Variants in ASIC2 observed in about 807,000 individuals in gnomAD.
ASIC2 encodes the protein acid-sensing ion channel 2.
ASIC2 carries 25 observed loss-of-function variants against 57.3 expected under a neutral mutation model. The ratio of observed to expected loss-of-function variants is 0.44; its 90% CI spans 0.32 to 0.61. ASIC2 has a LOEUF of 0.61. ASIC2 is among the 20% of genes least tolerant of loss of function. The pLI is 0.06. For missense variants in ASIC2, 641 were observed against 738.1 expected (o/e 0.87, Z 1.52); for synonymous variants, 319 against 307.5 (o/e 1.04, Z -0.39).
chr17:33,500,045 AAAAAG>A (rs1474874597), intron 1 of ASIC2, among the ~76,000 whole-genome samples: 1 of 152,178 alleles, frequency 6.6e-6, no homozygotes, highest in Non-Finnish European at 1.5e-5. Flanking sequence ...TTAATTAAAA[AAAAAG>A]AAAAGAAAAC....
At chr17:33,813,811 T>A (rs994165680) in intron 1 of ASIC2, among the ~76,000 whole-genome samples, 1 of 151,898 alleles carries the variant, frequency 6.6e-6, no homozygotes, top group East Asian at 1.9e-4. Context: ...TAATTTGGCA[T>A]GCTTTACATT....
chr17:33,862,598 A>G (rs893999619), intron 1 of ASIC2, among the ~76,000 whole-genome samples: 2 of 152,228 alleles, frequency 1.3e-5, no homozygotes, highest in Non-Finnish European at 2.9e-5. Flanking sequence ...AGCAGTATCC[A>G]TATTTGAACT....
chr17:33,294,584 C>G (rs1905643228), upstream of ASIC2, among the ~76,000 whole-genome samples: 1 of 152,008 alleles, frequency 6.6e-6, no homozygotes, highest in South Asian at 2.1e-4. Context: ...TACATACATC[C>G]ACACAGTCAC....
chr17:33,926,325 AC>A (rs1915821145), intron 1 of ASIC2, among the ~76,000 whole-genome samples: 1 of 152,148 alleles, frequency 6.6e-6, no homozygotes, highest in South Asian at 2.1e-4. Flanking sequence ...AATGCTTGGG[AC>A]CAGACGTATT....
chr17:34,037,289 C>T, intron 1 of ASIC2: 1 of 211,530 alleles, frequency 4.7e-6, no homozygotes, highest in African/African-American at 2.3e-5. Context: ...TCAGGGACCC[C>T]CCTGAGTCTG....
chr17:33,287,060 T>C (rs1002287958), intron 1 of ASIC2, among the ~76,000 whole-genome samples: 2 of 152,262 alleles, frequency 1.3e-5, no homozygotes, highest in Admixed American at 6.5e-5. Flanking sequence ...GAATAGCAAC[T>C]GCTACCATCA....
intron 1 of ASIC2, among the ~76,000 whole-genome samples, chr17:33,891,295 A>G (rs1326797521): frequency 6.6e-6 from 1 of 152,210 alleles, no homozygotes; most frequent in Non-Finnish European, 1.5e-5. Context: ...TGAAGAACAC[A>G]TAGTCCTTCC....
intron 3 of ASIC2, among the ~76,000 whole-genome samples, chr17:33,067,423 A>C (rs978718591): frequency 3.9e-5 from 6 of 152,190 alleles, no homozygotes; most frequent in African/African-American, 1.4e-4. Flanking sequence ...GGATTTGTAT[A>C]TGAGGAGCTA....
chr17:33,750,333 G>A (rs1470928461), intron 1 of ASIC2, among the ~76,000 whole-genome samples: 1 of 152,026 alleles, frequency 6.6e-6, no homozygotes, highest in Non-Finnish European at 1.5e-5. Context: ...GGAACTGAGG[G>A]GGAAACGGTG....
intron 1 of ASIC2, among the ~76,000 whole-genome samples, chr17:33,673,698 G>A (rs73279061): frequency 0.04 from 6,144 of 152,134 alleles, 309 homozygotes; most frequent in African/African-American, 0.12. Flanking sequence ...AAACTCTCTC[G>A]GGGAGAAACA....
intron 1 of ASIC2, among the ~76,000 whole-genome samples, chr17:33,359,189 A>G (rs1567834801): frequency 1.3e-5 from 2 of 152,216 alleles, no homozygotes; most frequent in Admixed American, 6.5e-5. Context: ...AGTTGAAAAG[A>G]TGCTAATGGG....
chr17:33,398,176 G>A (rs1400663154), intron 1 of ASIC2, among the ~76,000 whole-genome samples: 1 of 152,032 alleles, frequency 6.6e-6, no homozygotes, highest in Non-Finnish European at 1.5e-5. Flanking sequence ...ATTCTTTATT[G>A]TTTATCTTCC....
chr17:33,997,377 C>T (rs973483913), intron 1 of ASIC2, among the ~76,000 whole-genome samples: 4 of 133,688 alleles, frequency 3.0e-5, no homozygotes, highest in African/African-American at 1.1e-4. Flanking sequence ...TGGTCTCAAA[C>T]TGCTGAGCTC....
rs1406645854 is a variant in ASIC2 at position 33,021,376 on chromosome 17, A to G, written c.1350-66T>C. ...TCAGCATTCACAGGGAGCATCTAAT[A>G]CAGCTTTCCCATGGAAAGATGGAGA... On this transcript the variant is annotated intron_variant, in intron 6 of 9. Coordinates refer to ENST00000225823, the MANE Select transcript of ASIC2 (RefSeq NM_183377.2). The G allele has an allele frequency of 2.3e-6, 3 of 1,294,920 alleles. No individual in the cohort carries two copies. In the Admixed American group the frequency reaches 6.1e-5, roughly 26 times the overall value. The allele number at this position is 1,294,920 out of a possible 1,614,324, so 80.2% of individuals were successfully genotyped here.
chr17:33,173,261 C>T (rs1905599469), intron 1 of ASIC2, among the ~76,000 whole-genome samples: 1 of 152,096 alleles, frequency 6.6e-6, no homozygotes, highest in South Asian at 2.1e-4. Flanking sequence ...TAGACCACCC[C>T]TGAGAGGGAG....
rs138641277 is a variant in ASIC2, at chr17:34,092,585, G to A, written c.555+63393C>T. On this transcript the variant is annotated intron_variant, in intron 1 of 9. Transcript: ENST00000359872. ...ATCAAGGCTTTGGAAAGAGACTCACGTGTGATGCCTGACTTCTAGAGGCAG... is the reference window on the plus strand; with the variant it reads ...ATCAAGGCTTTGGAAAGAGACTCACATGTGATGCCTGACTTCTAGAGGCAG... Among the ~76,000 whole-genome samples the A allele has an allele frequency of 1.8e-3, 270 of 152,290 alleles. 1 individual carries two copies. The highest frequency in any genetic ancestry group is 6.3e-3 in the African/African-American group (262 of 41,558).
chr17:33,727,542 G>A (rs779419970), intron 1 of ASIC2, among the ~76,000 whole-genome samples: 5 of 152,084 alleles, frequency 3.3e-5, no homozygotes, highest in Non-Finnish European at 5.9e-5. Flanking sequence ...GTGATGGTGA[G>A]TGAGTGCTCA....
chr17:33,018,093 C>T (rs1449202140), intron 7 of ASIC2, among the ~76,000 whole-genome samples: 1 of 152,316 alleles, frequency 6.6e-6, no homozygotes, highest in East Asian at 1.9e-4. Context: ...AGATGCTCCC[C>T]TAACCCAATC....
At chr17:33,224,730 A>T (rs1284324129) in intron 1 of ASIC2, among the ~76,000 whole-genome samples, 1 of 152,204 alleles carries the variant, frequency 6.6e-6, no homozygotes, top group Non-Finnish European at 1.5e-5. Flanking sequence ...GGGCATTTGC[A>T]TCAGTGCTTG....
Sources: gnomAD v4.1 joint callset for allele counts (sites outside exome capture counted in the v4.1 genomes callset) on GRCh38, gnomAD v4.1.1 for gene constraint, MANE v1.5 for transcripts, NCBI Gene and HGNC (gene_info 2026-07-23, HGNC 2026-07-21) for gene names.